Variants in EFCAB3 observed in about 807,000 individuals in gnomAD.
EFCAB3 encodes the protein EF-hand calcium binding domain 3.
Under a neutral mutation model 42.2 loss-of-function variants are expected in EFCAB3, and 36 were observed. The ratio of observed to expected loss-of-function variants is 0.85; its 90% CI spans 0.65 to 1.13. The LOEUF (loss-of-function observed/expected upper bound fraction) is 1.13, where lower values mean the gene tolerates loss of function less well. EFCAB3 is among the 50% of genes most tolerant of loss of function. EFCAB3 has a pLI of 0.00. For missense variants in EFCAB3, 418 were observed against 505.1 expected, an observed-to-expected ratio of 0.83 and a Z score of 1.65; for synonymous variants, 170 against 172.8, an observed-to-expected ratio of 0.98 and a Z score of 0.13.
intron 6 of EFCAB3, among the ~76,000 whole-genome samples, chr17:62,402,695 T>C (rs977662735): frequency 1.3e-5 from 2 of 152,204 alleles, no homozygotes; most frequent in African/African-American, 2.4e-5. Flanking sequence ...GGTTTGCCAG[T>C]ATTTTATTGA....
At chr17:62,390,794 G>A (rs527353893) in intron 3 of EFCAB3, among the ~76,000 whole-genome samples, 1 of 152,328 alleles carries the variant, frequency 6.6e-6, no homozygotes, top group Admixed American at 6.5e-5. Context: ...CTCTGTAGGA[G>A]ATTAATCACT....
At chr17:62,404,625 C>T (rs938387786) in intron 6 of EFCAB3, among the ~76,000 whole-genome samples, 2 of 152,144 alleles carry the variant, frequency 1.3e-5, no homozygotes, top group Non-Finnish European at 2.9e-5. Flanking sequence ...GGAGAAACCC[C>T]GTCTCTACTA....
chr17:62,402,654 T>C (rs2070414094), intron 6 of EFCAB3, among the ~76,000 whole-genome samples: 1 of 152,228 alleles, frequency 6.6e-6, no homozygotes, highest in Non-Finnish European at 1.5e-5. Context: ...TTGATCATGG[T>C]GCATAAGCTT....
At chr17:62,378,575 A>G (rs1048521418), upstream of EFCAB3, among the ~76,000 whole-genome samples, 7 of 152,046 alleles carry the variant, frequency 4.6e-5, no homozygotes, top group East Asian at 3.9e-4. Context: ...GCACTTGCCT[A>G]CTGTAGTCCT....
chr17:62,407,206 A>C lies in EFCAB3; in HGVS notation c.861A>C (p.Lys287Asn). 1 of 1,581,430 alleles carries C rather than the reference A, an allele frequency of 6.3e-7. No individual in the cohort carries two copies. The highest frequency in any genetic ancestry group is 8.6e-7 in the Non-Finnish European group (1 of 1,168,168). The change falls in exon 8 of 10, where the codon AAA becomes AAC. Residue 287 changes from lysine (K) to asparagine (N), a missense_variant. Transcript: ENST00000305286. ...EDYFFHKRDWKTQAANIKSMD... is the reference protein window; with the variant it reads ...EDYFFHKRDWNTQAANIKSMD... Reference sequence around the variant, plus strand: ...ATTTTTTCCATAAAAGAGACTGGAAAACACAGGTGAGATTTAGATTATGTC... The same window carrying C: ...ATTTTTTCCATAAAAGAGACTGGAACACACAGGTGAGATTTAGATTATGTC...
rs9889744 is a variant in EFCAB3 at position 62,411,157 on chromosome 17, A to G, written c.868-2575A>G. On this transcript the variant is annotated intron_variant, in intron 8 of 9. Coordinates refer to ENST00000305286, the MANE Select transcript of EFCAB3 (RefSeq NM_173503.4). ...CAGCTTATATCAAAAATCTTTTAAA[A>G]TCTCTTTTAAAGATAGGTTCACAAA... 9.7e-3 allele frequency among the ~76,000 whole-genome samples: 1,479 copies of G among 152,284 alleles called. 15 individuals carry two copies. The highest frequency in any genetic ancestry group is 0.034 in the African/African-American group (1,392 of 41,544).
In EFCAB3 at chr17:62,381,064, C is replaced by T. The variant is rs564863436; in HGVS notation, c.-18+451C>T. Among the ~76,000 whole-genome samples the T allele has an allele frequency of 1.9e-4, 29 of 152,090 alleles. No individual in the cohort carries two copies. In the South Asian group the frequency reaches 4.0e-3, roughly 21 times the overall value. Reference sequence around the variant, plus strand: ...GCACAACGTGCAGGTTAGTTACATACGTATACATGTGCCATGTTGGTGTGC... The same window carrying T: ...GCACAACGTGCAGGTTAGTTACATATGTATACATGTGCCATGTTGGTGTGC... On this transcript the variant is annotated intron_variant, in intron 1 of 9. Transcript: ENST00000305286.
At chr17:62,384,127 T>A (rs934815852) in intron 2 of EFCAB3, among the ~76,000 whole-genome samples, 7 of 152,162 alleles carry the variant, frequency 4.6e-5, no homozygotes, top group South Asian at 4.1e-4. Context: ...AGGGAGTGAG[T>A]TCCTTGTCAC....
intron 9 of EFCAB3, among the ~76,000 whole-genome samples, chr17:62,414,826 G>A (rs2070531209): frequency 6.6e-6 from 1 of 152,034 alleles, no homozygotes; most frequent in Non-Finnish European, 1.5e-5. Flanking sequence ...TTTCAGGGCT[G>A]GGCATGGTGG....
At chr17:62,397,529 A>C (rs1164755175) in intron 6 of EFCAB3, 1 of 569,210 alleles carries the variant, frequency 1.8e-6, no homozygotes, top group East Asian at 4.5e-5. Flanking sequence ...TGAGGGTTGC[A>C]TGAGAGGTGC....
Position 62,395,230 on chromosome 17 carries a change from C to G in EFCAB3, c.488+42C>G, listed in dbSNP as rs748247321. On this transcript the variant is annotated intron_variant, in intron 6 of 9. Coordinates refer to ENST00000305286, the MANE Select transcript of EFCAB3 (RefSeq NM_173503.4). ...GGAGCAAAAACAGCCTTCTCAGAAG[C>G]ATTATGAAGATATTAACATGGCAGT... 3 of 1,603,356 alleles carry G rather than the reference C, an allele frequency of 1.9e-6. No individual in the cohort carries two copies. In the South Asian group the frequency reaches 3.4e-5, roughly 18 times the overall value.
intron 5 of EFCAB3, 105 bp downstream of exon 5, chr17:62,393,749 A>C (rs2070324870): frequency 1.1e-6 from 1 of 948,460 alleles, no homozygotes; most frequent in African/African-American, 1.6e-5. Flanking sequence ...AGGAAGGTGT[A>C]GTCTGGGATG....
chr17:62,403,685 G>T (rs1401217525), intron 6 of EFCAB3, among the ~76,000 whole-genome samples: 1 of 152,068 alleles, frequency 6.6e-6, no homozygotes, highest in Non-Finnish European at 1.5e-5. Flanking sequence ...TATCTCCCAG[G>T]CTAGAGTGCT....
chr17:62,393,227 G>C (rs900474052), intron 4 of EFCAB3, among the ~76,000 whole-genome samples: 1 of 152,178 alleles, frequency 6.6e-6, no homozygotes, highest in Non-Finnish European at 1.5e-5. Context: ...GCTTGGGGAT[G>C]TTATAATAGG....
chr17:62,376,283 G>A (rs894287659), upstream of EFCAB3, among the ~76,000 whole-genome samples: 5 of 152,014 alleles, frequency 3.3e-5, no homozygotes, highest in Non-Finnish European at 7.4e-5. Flanking sequence ...GACCAGCCTG[G>A]CCAACATAGT....
At chr17:62,382,828 C>G (rs1422433344) in intron 1 of EFCAB3, 135 bp from the exon 2 acceptor site, 23 of 665,916 alleles carry the variant, frequency 3.5e-5, no homozygotes, top group Non-Finnish European at 5.0e-6. Flanking sequence ...ATACCTCTAA[C>G]TTGAGTTTGC....
At chr17:62,391,749 C>G in intron 3 of EFCAB3, 73 bp from the exon 4 acceptor site, 2 of 1,437,478 alleles carry the variant, frequency 1.4e-6, no homozygotes, top group Non-Finnish European at 9.4e-7. Flanking sequence ...ACTATATTGT[C>G]TGTCCTAGTC....
intron 3 of EFCAB3, 129 bp from the exon 4 acceptor site, chr17:62,391,693 A>C (rs1598011376): frequency 3.1e-6 from 3 of 954,856 alleles, no homozygotes; most frequent in Non-Finnish European, 4.6e-6. Flanking sequence ...TCTATTAAGC[A>C]CTCATTTTTT....
intron 4 of EFCAB3, 152 bp downstream of exon 4, chr17:62,392,117 T>A: frequency 5.3e-6 from 2 of 379,250 alleles, no homozygotes; most frequent in Admixed American, 1.0e-4. Flanking sequence ...TATTTGTATA[T>A]GTTAAATATA....
Sources: gnomAD v4.1 joint callset for allele counts (sites outside exome capture counted in the v4.1 genomes callset) on GRCh38, gnomAD v4.1.1 for gene constraint, MANE v1.5 for transcripts, NCBI Gene and HGNC (gene_info 2026-07-23, HGNC 2026-07-21) for gene names.